Variants in ROBO2 observed in about 807,000 individuals in gnomAD.
ROBO2 encodes roundabout homolog 2.
Under a neutral mutation model 160.8 loss-of-function variants are expected in ROBO2, and 53 were observed. The ratio of observed to expected loss-of-function variants is 0.33; its 90% confidence interval spans 0.26 to 0.41. ROBO2 has a LOEUF of 0.41. Ranked by LOEUF, ROBO2 falls within the 10% of genes least tolerant of loss-of-function variation. The pLI, the probability that ROBO2 is intolerant of heterozygous loss-of-function variation, is 1.00. For synonymous variants in ROBO2, 664 were observed against 611.7 expected (o/e 1.09, Z -1.26); for missense variants, 1,577 against 1,722.4 (o/e 0.92, Z 1.49).
At chr3:76,752,178 T>C (rs983301532) in intron 2 of ROBO2, among the ~76,000 whole-genome samples, 1 of 151,000 alleles carries the variant, frequency 6.6e-6, no homozygotes, top group African/African-American at 2.4e-5. Context: ...CATTCTGAAC[T>C]ATCGCAAGGA....
chr3:77,573,754 GA>G (rs2153670118), intron 13 of ROBO2, among the ~76,000 whole-genome samples: 1 of 152,062 alleles, frequency 6.6e-6, no homozygotes, highest in Non-Finnish European at 1.5e-5. Flanking sequence ...ATTCTTCAGG[GA>G]TGCTTTGCCT....
intron 2 of ROBO2, among the ~76,000 whole-genome samples, chr3:77,164,433 AGGTGGGGGGGTC>A (rs2078779179): frequency 1.2e-5 from 1 of 85,794 alleles, no homozygotes. Context: ...TCCGGGAGGG[AGGTGGGGGGGTC>A]AGCCCCCCGC....
intron 2 of ROBO2, among the ~76,000 whole-genome samples, chr3:76,294,873 C>G (rs1438983950): frequency 1.3e-5 from 2 of 152,120 alleles, no homozygotes; most frequent in African/African-American, 4.8e-5. Flanking sequence ...GGAAAACTGT[C>G]TTGATAGATA....
At chr3:77,075,866 T>C (rs2067942533) in intron 1 of ROBO2, among the ~76,000 whole-genome samples, 1 of 151,584 alleles carries the variant, frequency 6.6e-6, no homozygotes, top group Non-Finnish European at 1.5e-5. Context: ...TTAGTAGAGA[T>C]GGGGTTTCAC....
chr3:76,050,399 C>G (rs900138475), intron 2 of ROBO2, among the ~76,000 whole-genome samples: 3 of 152,124 alleles, frequency 2.0e-5, no homozygotes, highest in African/African-American at 7.2e-5. Context: ...GGCTTCCCTA[C>G]TTTTGCAGTT....
At chr3:76,330,307 T>C (rs1447542890) in intron 2 of ROBO2, among the ~76,000 whole-genome samples, 2 of 152,244 alleles carry the variant, frequency 1.3e-5, no homozygotes, top group African/African-American at 4.8e-5. Flanking sequence ...TATTCTTTGA[T>C]TTCAGAAGCC....
intron 2 of ROBO2, among the ~76,000 whole-genome samples, chr3:76,945,049 C>A (rs913720832): frequency 1.3e-5 from 2 of 150,530 alleles, no homozygotes; most frequent in African/African-American, 4.9e-5. Context: ...CCACCACGCC[C>A]GGCTAATTTT....
At chr3:77,446,781 A>G (rs2080572326) in intron 2 of ROBO2, among the ~76,000 whole-genome samples, 1 of 152,084 alleles carries the variant, frequency 6.6e-6, no homozygotes, top group Non-Finnish European at 1.5e-5. Flanking sequence ...ATTTAGTGAA[A>G]TATAGTGGTG....
intron 2 of ROBO2, among the ~76,000 whole-genome samples, chr3:76,723,303 A>G (rs1450511767): frequency 6.6e-6 from 1 of 152,214 alleles, no homozygotes; most frequent in Non-Finnish European, 1.5e-5. Context: ...AGAAATAAAT[A>G]TTATTTTTAA....
At chr3:76,234,454 G>T (rs1226815830) in intron 2 of ROBO2, among the ~76,000 whole-genome samples, 1 of 151,988 alleles carries the variant, frequency 6.6e-6, no homozygotes, top group Non-Finnish European at 1.5e-5. Flanking sequence ...ACTTTTAGTG[G>T]CAAAAACTAC....
rs2069464168 is a variant in ROBO2 at position 76,096,626 on chromosome 3, A to G, written c.109+159024A>G. 2.0e-5 allele frequency among the ~76,000 whole-genome samples: 3 copies of G among 152,234 alleles called. No homozygotes were observed. In the South Asian group the frequency reaches 6.2e-4, roughly 31 times the overall value. ...GATTATGATAATTAATAATACAAATAATAACATTAAGCATTTACTGAGTAT... is the reference window on the plus strand; with the variant it reads ...GATTATGATAATTAATAATACAAATGATAACATTAAGCATTTACTGAGTAT... On this transcript the variant is annotated intron_variant, in intron 2 of 26. Transcript: ENST00000487694.
intron 2 of ROBO2, among the ~76,000 whole-genome samples, chr3:76,275,356 T>C (rs1388319842): frequency 6.6e-6 from 1 of 152,118 alleles, no homozygotes; most frequent in Admixed American, 6.6e-5. Flanking sequence ...AGCACCTGTT[T>C]CCTCACCTGC....
At chr3:76,930,963 T>G (rs2077300287) in intron 2 of ROBO2, among the ~76,000 whole-genome samples, 1 of 152,222 alleles carries the variant, frequency 6.6e-6, no homozygotes, top group Non-Finnish European at 1.5e-5. Flanking sequence ...CCAGTCAAGC[T>G]AATGTATTAA....
chr3:76,525,035 CT>C (rs2081873760), intron 2 of ROBO2, among the ~76,000 whole-genome samples: 1 of 151,398 alleles, frequency 6.6e-6, no homozygotes, highest in Non-Finnish European at 1.5e-5. Context: ...ACAACAGATA[CT>C]GAGGTGTAAA....
chr3:76,717,483 C>A (rs1290586047), intron 2 of ROBO2, among the ~76,000 whole-genome samples: 2 of 147,548 alleles, frequency 1.4e-5, no homozygotes, highest in African/African-American at 5.0e-5. Context: ...AGAGTGAGAC[C>A]CTGTCTCCAA....
intron 2 of ROBO2, among the ~76,000 whole-genome samples, chr3:76,309,956 T>G (rs1444892352): frequency 6.6e-6 from 1 of 151,928 alleles, no homozygotes; most frequent in Non-Finnish European, 1.5e-5. Flanking sequence ...CCTGAGTAGC[T>G]GGAACTACAG....
intron 2 of ROBO2, among the ~76,000 whole-genome samples, chr3:76,946,697 G>C (rs1249435066): frequency 1.3e-5 from 2 of 152,070 alleles, no homozygotes; most frequent in African/African-American, 4.8e-5. Context: ...CTCAGCCTCC[G>C]AAGATGTTGG....
intron 2 of ROBO2, among the ~76,000 whole-genome samples, chr3:77,473,222 G>A (rs896334216): frequency 9.9e-5 from 15 of 151,812 alleles, no homozygotes. Context: ...TTTATTATGC[G>A]GATGAGTTCT....
intron 2 of ROBO2, among the ~76,000 whole-genome samples, chr3:76,294,981 G>A (rs534739448): frequency 1.6e-3 from 238 of 152,332 alleles, no homozygotes; most frequent in Middle Eastern, 0.014. Context: ...CTGAGGGTCA[G>A]AAGTGGTGAA....
Sources: gnomAD v4.1 joint callset for allele counts (sites outside exome capture counted in the v4.1 genomes callset) on GRCh38, gnomAD v4.1.1 for gene constraint, MANE v1.5 for transcripts, NCBI Gene and HGNC (gene_info 2026-07-23, HGNC 2026-07-21) for gene names.